The following ARHGAP39 variants were observed in gnomAD, a reference collection of about 807,000 sequenced individuals.
ARHGAP39 encodes rho GTPase-activating protein 39.
Under a neutral mutation model 106.9 loss-of-function variants are expected in ARHGAP39, and 44 were observed. That is an observed-to-expected ratio of 0.41 (90% CI 0.32 to 0.53). The LOEUF (loss-of-function observed/expected upper bound fraction) is 0.53, where lower values mean the gene tolerates loss of function less well. Ranked by LOEUF, ARHGAP39 falls within the 20% of genes least tolerant of loss-of-function variation. The pLI is 0.21. For synonymous variants in ARHGAP39, 768 were observed against 693.2 expected (o/e 1.11, Z -1.69); for missense variants, 1,496 against 1,577.3 (o/e 0.95, Z 0.87).
rs536759114 is a variant in ARHGAP39 at position 144,585,212 on chromosome 8, C to T, written c.81-3935G>A. ...ACTGGGACCCCCCAGAAGCCTCTGC[C>T]GGTCCCAGCTCCAGATGCAATGGCA... On this transcript the variant is annotated intron_variant, in intron 2 of 11. Transcript: ENST00000377307. The surrounding 1 kb of genome is among the most constrained non-coding windows in gnomAD (Gnocchi z 4.6). Among the ~76,000 whole-genome samples the T allele has an allele frequency of 8.8e-4, 134 of 152,316 alleles. No homozygotes were observed. Among genetic ancestry groups the T allele is most frequent in the African/African-American group, 3.1e-3 (129 of 41,572 alleles).
chr8:144,601,528 CTGTG>C (rs557735022), intron 2 of ARHGAP39, among the ~76,000 whole-genome samples: 2 of 119,442 alleles, frequency 1.7e-5, no homozygotes, highest in Non-Finnish European at 3.4e-5. Flanking sequence ...GCTCATGTAC[CTGTG>C]TGTGTGCATG....
Position 144,548,186 on chromosome 8 carries a change from C to T in ARHGAP39, c.900G>A (p.Gln300=). 1 of 1,580,464 alleles carries T rather than the reference C, an allele frequency of 6.3e-7. No individual in the cohort carries two copies. Among genetic ancestry groups the T allele is most frequent in the Non-Finnish European group, 8.6e-7 (1 of 1,162,384 alleles). Residue 300 remains glutamine (Q), a synonymous_variant, in exon 5 of 12, where the codon CAG becomes CAA. Coordinates refer to ENST00000377307, the MANE Select transcript of ARHGAP39 (RefSeq NM_025251.3). This position sits in a 1 kb window ranked among gnomAD's most constrained non-coding sequence, Gnocchi z 7.4. ...CATAGCCATAGCGCGGGGAGGAGGGCTGCGAGTCCCCGGAGGGCTTTCGGG... is the reference window on the plus strand; with the variant it reads ...CATAGCCATAGCGCGGGGAGGAGGGTTGCGAGTCCCCGGAGGGCTTTCGGG... The part of the protein sequence containing the change: ...AQPRKPSGDS[Q]PSSPRYGYEP...
chr8:144,615,690 C>T (rs1295876557), intron 1 of ARHGAP39, among the ~76,000 whole-genome samples: 1 of 152,218 alleles, frequency 6.6e-6, no homozygotes, highest in Non-Finnish European at 1.5e-5. Context: ...TCCAGAAGGC[C>T]CAAGTTCCAC....
intron 5 of ARHGAP39, among the ~76,000 whole-genome samples, chr8:144,546,817 CTG>C (rs1320610774): frequency 2.6e-5 from 4 of 152,228 alleles, no homozygotes; most frequent in African/African-American, 9.6e-5. Flanking sequence ...CCCTCCCAGG[CTG>C]CTGAGGCCTT....
the ARHGAP39 span, among the ~76,000 whole-genome samples, chr8:144,693,934 G>A: frequency 5.3e-5 from 8 of 152,150 alleles, no homozygotes; most frequent in Non-Finnish European, 8.8e-5. Context: ...GGAGGGAGAC[G>A]GGGAGGCTGC....
intron 1 of ARHGAP39, among the ~76,000 whole-genome samples, chr8:144,626,920 C>T (rs1326398021): frequency 6.6e-6 from 1 of 152,254 alleles, no homozygotes; most frequent in East Asian, 1.9e-4. Flanking sequence ...CAACAGCCCC[C>T]ACAAGACATC....
chr8:144,541,544 G>A (rs924301702), intron 6 of ARHGAP39, among the ~76,000 whole-genome samples: 2 of 152,016 alleles, frequency 1.3e-5, no homozygotes, highest in African/African-American at 2.4e-5. Context: ...TCCCTCAGCC[G>A]TGGCACCCAC....
chr8:144,537,269 C>T (rs1816994993), intron 7 of ARHGAP39, among the ~76,000 whole-genome samples: 1 of 152,126 alleles, frequency 6.6e-6, no homozygotes, highest in Admixed American at 6.5e-5. Context: ...CAGGGGACGA[C>T]TCCTTGCAGA....
intron 3 of ARHGAP39, among the ~76,000 whole-genome samples, chr8:144,562,200 G>A (rs1247596461): frequency 6.8e-6 from 1 of 147,536 alleles, no homozygotes; most frequent in South Asian, 2.2e-4. Flanking sequence ...GGTTTCCATC[G>A]GGCTCCAGTG....
At chr8:144,593,244 A>G (rs1819474459) in intron 2 of ARHGAP39, among the ~76,000 whole-genome samples, 1 of 152,164 alleles carries the variant, frequency 6.6e-6, no homozygotes, top group African/African-American at 2.4e-5. Flanking sequence ...CGTGCATGCC[A>G]GACAATTTGC....
At chr8:144,633,995 G>C (rs892094101) in intron 1 of ARHGAP39, among the ~76,000 whole-genome samples, 1 of 152,246 alleles carries the variant, frequency 6.6e-6, no homozygotes, top group Non-Finnish European at 1.5e-5. Context: ...CCCAATTAAC[G>C]GGAAAGACAA....
intron 1 of ARHGAP39, among the ~76,000 whole-genome samples, 137 bp downstream of exon 1, chr8:144,685,549 C>A (rs1822566446): frequency 6.7e-6 from 1 of 149,008 alleles, no homozygotes; most frequent in African/African-American, 2.4e-5. Context: ...GCTGCAGTCG[C>A]CGCGGGCCTG....
At chr8:144,617,138 C>A (rs534267946) in intron 1 of ARHGAP39, among the ~76,000 whole-genome samples, 1 of 151,384 alleles carries the variant, frequency 6.6e-6, no homozygotes, top group South Asian at 2.1e-4. Flanking sequence ...ACTAGGGAGG[C>A]GGAGGTTGCA....
chr8:144,637,101 G>A (rs1821191012), intron 1 of ARHGAP39, among the ~76,000 whole-genome samples: 1 of 152,136 alleles, frequency 6.6e-6, no homozygotes, highest in Admixed American at 6.5e-5. Context: ...GGTGGACTCT[G>A]GGACATTTTG....
intron 1 of ARHGAP39, among the ~76,000 whole-genome samples, chr8:144,611,772 T>C (rs1353154849): frequency 5.3e-5 from 8 of 152,012 alleles, no homozygotes; most frequent in Admixed American, 2.0e-4. Context: ...TCCCAGCACT[T>C]TGGGAGGCTG....
chr8:144,627,074 G>C (rs142334585), intron 1 of ARHGAP39, among the ~76,000 whole-genome samples: 2 of 152,368 alleles, frequency 1.3e-5, no homozygotes, highest in East Asian at 3.9e-4. Flanking sequence ...CTGGCACCTG[G>C]ATCCAGCTGT....
chr8:144,601,959 G>C (rs572719917), intron 2 of ARHGAP39, among the ~76,000 whole-genome samples: 5 of 141,802 alleles, frequency 3.5e-5, no homozygotes, highest in East Asian at 2.2e-4. Flanking sequence ...TCGTGTACCT[G>C]TGTTCATGTG....
chr8:144,535,280 CAT>C (rs1816908417), intron 7 of ARHGAP39, among the ~76,000 whole-genome samples: 1 of 152,220 alleles, frequency 6.6e-6, no homozygotes, highest in African/African-American at 2.4e-5. Flanking sequence ...GAATAGTTGA[CAT>C]GTGACTGCTA....
Position 144,530,375 on chromosome 8 carries a change from C to T in ARHGAP39, c.*47G>A. On this transcript the variant is annotated 3_prime_UTR_variant, in exon 12 of 12. Coordinates refer to ENST00000377307, the MANE Select transcript of ARHGAP39 (RefSeq NM_025251.3). ...CCGGGAGAGCGAGTGCGGAGTTCGG[C>T]CTGGCTGGGGGCGGCAGGACATCCC... is the stretch of plus-strand genomic sequence containing the variant. 3.2e-6 allele frequency: 5 copies of T among 1,539,252 alleles called. No individual in the cohort carries two copies. The highest frequency in any genetic ancestry group is 4.4e-6 in the Non-Finnish European group (5 of 1,136,582).
Sources: gnomAD v4.1 joint callset for allele counts (sites outside exome capture counted in the v4.1 genomes callset) on GRCh38, gnomAD v4.1.1 for gene constraint, Gnocchi (gnomAD v3.1) non-coding constraint, MANE v1.5 for transcripts, NCBI Gene and HGNC (gene_info 2026-07-23, HGNC 2026-07-21) for gene names.